Variants in ITPR1 observed in about 807,000 individuals in gnomAD.
ITPR1 encodes inositol 1,4,5-trisphosphate receptor type 1.
A neutral mutation model predicts 318.4 loss-of-function variants in ITPR1; 96 were observed. That is an observed-to-expected ratio of 0.30 (90% CI 0.26 to 0.36). The LOEUF is 0.36. Ranked by LOEUF, ITPR1 falls within the 10% of genes least tolerant of loss-of-function variation. The pLI, the probability that ITPR1 is intolerant of heterozygous loss-of-function variation, is 1.00. For missense variants in ITPR1, 2,440 were observed against 3,460.2 expected, an observed-to-expected ratio of 0.71 and a Z score of 7.40; for synonymous variants, 1,312 against 1,289.9, an observed-to-expected ratio of 1.02 and a Z score of -0.37.
chr3:4,818,570 C>G (rs1169408870), intron 60 of ITPR1, among the ~76,000 whole-genome samples: 1 of 152,158 alleles, frequency 6.6e-6, no homozygotes, highest in African/African-American at 2.4e-5. Flanking sequence ...GTGAATCTGC[C>G]TCTTTTCTTG....
rs1206311675 is a variant in ITPR1 at position 4,699,829 on chromosome 3, G to T, written c.4424G>T (p.Ser1475Ile). The change falls in exon 35 of 62, where the codon AGT (serine) becomes ATT (isoleucine). Residue 1475 changes from serine to isoleucine, a missense_variant. Ser to Ile is a moderately radical substitution (Grantham distance 142, BLOSUM62 -2). Around this residue, in one of 23 missense-constraint regions of ITPR1, gnomAD observed 73 missense variants for 59.5 expected, o/e 1.23. Coordinates refer to ENST00000649015, the MANE Select transcript of ITPR1 (RefSeq NM_001378452.1). ...GTCTTCCAGGCCTGTAACAACACTA[G>T]TGACAGGAAACATGCAGACTCGATT... The part of the protein sequence containing the change: ...VDICRACNNT[S>I]DRKHADSILE... The T allele has an allele frequency of 1.2e-6, 2 of 1,613,866 alleles. No individual in the cohort carries two copies. The highest frequency in any genetic ancestry group is 1.7e-6 in the Non-Finnish European group (2 of 1,179,826).
In ITPR1 at chr3:4,788,158, G is replaced by A; in HGVS notation, c.6808+19G>A. On this transcript the variant is annotated intron_variant, in intron 52 of 61. Transcript: ENST00000649015. The stretch of plus-strand genomic sequence containing the variant: ...CTGAGAGGTGGGTTCCAACGCATCA[G>A]CAACAACACAGAGAGACACAGTTCT... The A allele has an allele frequency of 6.3e-7, 1 of 1,576,440 alleles. No homozygotes were observed. The highest frequency in any genetic ancestry group is 8.6e-7 in the Non-Finnish European group (1 of 1,156,840).
At chr3:4,571,186 T>C (rs2087938666) in intron 4 of ITPR1, among the ~76,000 whole-genome samples, 2 of 152,170 alleles carry the variant, frequency 1.3e-5, no homozygotes, top group Non-Finnish European at 2.9e-5. Context: ...CTATGGTAAA[T>C]TGGCATTACA....
At chr3:4,680,380 A>G (rs1186957644) in intron 24 of ITPR1, among the ~76,000 whole-genome samples, 173 bp from the exon 25 acceptor site, 1 of 152,204 alleles carries the variant, frequency 6.6e-6, no homozygotes. Flanking sequence ...GCCCCATGGA[A>G]GTCTGCTGTT....
chr3:4,574,953 G>A (rs1001678819), intron 4 of ITPR1, among the ~76,000 whole-genome samples: 5 of 152,226 alleles, frequency 3.3e-5, no homozygotes, highest in Admixed American at 2.0e-4. Flanking sequence ...TGCAGTGTGA[G>A]GGACACTCCC....
In ITPR1 at chr3:4,800,758, G is replaced by A. The variant is rs890731376; in HGVS notation, c.7107+158G>A. ...CAGAAGCAGGGGATGGCTGCAGGTG[G>A]ACGTCTCCCTCTTGACCTCCGCGTG... is the stretch of plus-strand genomic sequence containing the variant. On this transcript the variant is annotated intron_variant, in intron 54 of 61. Coordinates refer to ENST00000649015, the MANE Select transcript of ITPR1 (RefSeq NM_001378452.1). Among the ~76,000 whole-genome samples, 17 of 152,236 alleles carry A rather than the reference G, an allele frequency of 1.1e-4. No individual in the cohort carries two copies. In the East Asian group the frequency reaches 3.3e-3, roughly 29 times the overall value.
At chr3:4,656,561 T>G (rs1180047966) in intron 12 of ITPR1, among the ~76,000 whole-genome samples, 1 of 152,168 alleles carries the variant, frequency 6.6e-6, no homozygotes, top group Non-Finnish European at 1.5e-5. Context: ...ATACAGGTTT[T>G]GGATATTAAA....
intron 42 of ITPR1, among the ~76,000 whole-genome samples, chr3:4,729,059 A>C (rs772370386): frequency 3.3e-5 from 5 of 152,152 alleles, no homozygotes; most frequent in Admixed American, 6.5e-5. Context: ...CCTAGGTCCT[A>C]GGAGTAGCTG....
intron 49 of ITPR1, among the ~76,000 whole-genome samples, chr3:4,780,312 CTCT>C (rs1227055908): frequency 3.9e-5 from 6 of 152,144 alleles, no homozygotes; most frequent in African/African-American, 1.4e-4. Flanking sequence ...GAATTCATGT[CTCT>C]TCTTGGTGCC....
chr3:4,839,144 A>C (rs1394194478), intron 61 of ITPR1, among the ~76,000 whole-genome samples: 40 of 152,312 alleles, frequency 2.6e-4, no homozygotes, highest in Non-Finnish European at 1.5e-5. Context: ...CCTGACCAAC[A>C]TGGAGAAACC....
chr3:4,689,570 G>C (rs1041365218), intron 31 of ITPR1, among the ~76,000 whole-genome samples: 1 of 152,198 alleles, frequency 6.6e-6, no homozygotes, highest in African/African-American at 2.4e-5. Flanking sequence ...TGAAACCCTT[G>C]TGCTCCCAAG....
At chr3:4,653,930 C>T (rs774240982) in intron 12 of ITPR1, 44 bp downstream of exon 12, 25 of 1,392,904 alleles carry the variant, frequency 1.8e-5, no homozygotes, top group Middle Eastern at 1.8e-4. Flanking sequence ...TGGTAGGGTG[C>T]GGCCAAATGA....
intron 42 of ITPR1, among the ~76,000 whole-genome samples, chr3:4,728,428 G>A (rs1038087443): frequency 2.6e-5 from 4 of 152,174 alleles, no homozygotes; most frequent in South Asian, 4.1e-4. Flanking sequence ...AACTATGGTC[G>A]TCGGTGTCTA....
intron 1 of ITPR1, among the ~76,000 whole-genome samples, chr3:4,493,917 G>A (rs2080342940): frequency 7.4e-6 from 1 of 135,706 alleles, no homozygotes; most frequent in South Asian, 2.4e-4. Flanking sequence ...AAGAGAGGTT[G>A]TGGGGGTGTC....
rs2046908589 is a variant in ITPR1, at chr3:4,782,619, G to T, written c.6388G>T (p.Val2130Leu). 3.7e-6 allele frequency: 6 copies of T among 1,606,410 alleles called. No individual in the cohort carries two copies. Among genetic ancestry groups the T allele is most frequent in the Non-Finnish European group, 5.1e-6 (6 of 1,175,926 alleles). ...ILYNMRPKEL[V>L]EVIKKAYMQG... ...TTTGTTCCCTTGGCTCTTCTTGCAG[G>T]TGGAAGTGATCAAGAAAGCCTACAT... The change falls in exon 50 of 62, where the codon GTG becomes TTG. Residue 2130 changes from valine (V) to leucine (L), a missense_variant and splice_region_variant. Physicochemically the swap from Val to Leu is conservative, Grantham distance 32. Transcript: ENST00000649015.
At chr3:4,708,933 C>T (rs775586953) in intron 37 of ITPR1, among the ~76,000 whole-genome samples, 2 of 152,210 alleles carry the variant, frequency 1.3e-5, no homozygotes, top group Non-Finnish European at 2.9e-5. Flanking sequence ...GTTGATGTCT[C>T]CTTGATTGCT....
At chr3:4,505,049 A>C (rs1181687670) in intron 2 of ITPR1, among the ~76,000 whole-genome samples, 2 of 152,028 alleles carry the variant, frequency 1.3e-5, no homozygotes, top group Non-Finnish European at 2.9e-5. Flanking sequence ...GCTTGACCTA[A>C]AAAGTGAAAC....
chr3:4,580,265 G>A (rs761138885), intron 4 of ITPR1, among the ~76,000 whole-genome samples: 8 of 152,168 alleles, frequency 5.3e-5, no homozygotes, highest in Non-Finnish European at 1.0e-4. Context: ...TGGTTCACGT[G>A]CCCTTGATGG....
intron 37 of ITPR1, among the ~76,000 whole-genome samples, chr3:4,708,612 C>A (rs1233158029): frequency 6.6e-6 from 1 of 152,230 alleles, no homozygotes. Flanking sequence ...TCAAATGAAA[C>A]AAACTATCTG....
Sources: gnomAD v4.1 joint callset for allele counts (sites outside exome capture counted in the v4.1 genomes callset) on GRCh38, gnomAD v4.1.1 for gene constraint, gnomAD v4.1.1 regional missense constraint, MANE v1.5 for transcripts, NCBI Gene and HGNC (gene_info 2026-07-23, HGNC 2026-07-21) for gene names.